The following KSR2 variants were observed in gnomAD, a reference collection of about 807,000 sequenced individuals.
KSR2 encodes kinase suppressor of ras 2.
In KSR2, 25 loss-of-function variants were observed where a neutral mutation model predicts 107.8. That is an observed-to-expected ratio of 0.23 (90% confidence interval 0.17 to 0.32). The LOEUF is 0.32. Ranked by LOEUF, KSR2 falls within the 10% of genes least tolerant of loss-of-function variation. The probability of loss-of-function intolerance (pLI) is 1.00; values close to 1 mark genes in which losing one functional copy is unlikely to be tolerated. For missense variants in KSR2, 887 were observed against 1,268.9 expected (o/e 0.70, Z 4.57); for synonymous variants, 480 against 507.0 (o/e 0.95, Z 0.71).
At chr12:117,535,911 A>C (rs1046342689) in intron 10 of KSR2, among the ~76,000 whole-genome samples, 1 of 151,534 alleles carries the variant, frequency 6.6e-6, no homozygotes, top group Admixed American at 6.6e-5. Flanking sequence ...CTGGGATCCA[A>C]CTCCAGGTCT....
rs1351596761 is a variant in KSR2, at chr12:117,667,636, A to G, written c.1009T>C (p.Leu337=). ...ACGCTGCTGTGGATCTTGAGGTTCA[A>G]GGGTTTGCTCTTCTTCTTGGCTCTG... ...TPKAKKKSKP[L]NLKIHSSVGS... is the part of the protein sequence containing the mutation. The change falls in exon 5 of 20, where the codon TTG becomes CTG. Residue 337 remains leucine, a synonymous_variant. Transcript: ENST00000339824. 6.3e-7 allele frequency: 1 copy of G among 1,598,984 alleles called. No homozygotes were observed. The highest frequency in any genetic ancestry group is 8.5e-7 in the Non-Finnish European group (1 of 1,173,460).
In KSR2 at chr12:117,799,744, T is replaced by C. The variant is rs934808659; in HGVS notation, c.473-38220A>G. Among the ~76,000 whole-genome samples the C allele has an allele frequency of 7.2e-5, 11 of 152,176 alleles. No individual in the cohort carries two copies. The East Asian group carries it at 2.1e-3, about 29-fold the overall frequency. ...TCTGAGCCTGTTTTCTAATCTATAA[T>C]AGTACCCACAACTAAGGGTGGTTGT... On this transcript the variant is annotated intron_variant, in intron 3 of 19. Coordinates refer to ENST00000339824, the MANE Select transcript of KSR2 (RefSeq NM_173598.6).
rs550563327 is a variant in KSR2, at chr12:117,469,701, C to T, written c.2807G>A (p.Arg936His). 19 of 1,613,384 alleles carry T rather than the reference C, an allele frequency of 1.2e-5. No homozygotes were observed. Among genetic ancestry groups the T allele is most frequent in the East Asian group, 2.2e-5 (1 of 44,878 alleles). ...DMLEKLPKRN[R>H]RLSHPGHFWK... is the part of the protein sequence containing the mutation. ...GAAATGTCCAGGGTGAGACAGGCGA[C>T]GGTTTCGCTTTGGCAGTTTCTCCAG... The change falls in exon 19 of 20, where the codon CGT becomes CAT. Residue 936 changes from arginine to histidine, a missense_variant. Around this residue, in one of 8 missense-constraint regions of KSR2, gnomAD observed 308 missense variants for 506.2 expected, o/e 0.61. Coordinates refer to ENST00000339824, the MANE Select transcript of KSR2 (RefSeq NM_173598.6).
intron 14 of KSR2, among the ~76,000 whole-genome samples, chr12:117,488,949 T>C (rs1296911183): frequency 6.6e-6 from 1 of 152,212 alleles, no homozygotes; most frequent in Non-Finnish European, 1.5e-5. Flanking sequence ...TAAAATATGA[T>C]ATATACTTAT....
At chr12:117,921,496 C>T (rs1895346911) in intron 1 of KSR2, among the ~76,000 whole-genome samples, 1 of 152,098 alleles carries the variant, frequency 6.6e-6, no homozygotes, top group African/African-American at 2.4e-5. Flanking sequence ...CTCACGGTAT[C>T]CTCTTGCCTC....
intron 3 of KSR2, among the ~76,000 whole-genome samples, chr12:117,792,800 T>C (rs924397430): frequency 1.3e-5 from 2 of 152,160 alleles, no homozygotes; most frequent in Non-Finnish European, 2.9e-5. Context: ...GCGTCATCCC[T>C]AAAAATAACT....
At position 117,910,996 on chromosome 12, in the gene KSR2, A is replaced by G. The variant is rs147776219; in HGVS notation, c.181-50565T>C. On this transcript the variant is annotated intron_variant, in intron 1 of 19. Transcript: ENST00000339824. ...CTCACTACTCTGCCTTTAAGATACC[A>G]TATGTTTCTAAACTTCCACACATAA... Among the ~76,000 whole-genome samples the G allele has an allele frequency of 2.8e-3, 428 of 152,292 alleles. 1 individual carries two copies. Among genetic ancestry groups the G allele is most frequent in the African/African-American group, 9.9e-3 (411 of 41,574 alleles).
chr12:117,906,463 G>A (rs1186728166), intron 1 of KSR2, among the ~76,000 whole-genome samples: 1 of 151,562 alleles, frequency 6.6e-6, no homozygotes, highest in Non-Finnish European at 1.5e-5. Flanking sequence ...AAAATTAGCT[G>A]GGCATGGTGG....
intron 1 of KSR2, among the ~76,000 whole-genome samples, chr12:117,912,283 G>A (rs989159633): frequency 1.3e-4 from 20 of 152,198 alleles, no homozygotes; most frequent in African/African-American, 4.1e-4. Context: ...CTGGTATTTA[G>A]CTACTTGGAT....
intron 8 of KSR2, among the ~76,000 whole-genome samples, chr12:117,555,634 A>G (rs902359487): frequency 2.6e-5 from 4 of 152,226 alleles, no homozygotes; most frequent in African/African-American, 9.6e-5. Context: ...TGAGCGGACA[A>G]GCTCATCATG....
intron 7 of KSR2, among the ~76,000 whole-genome samples, chr12:117,570,477 G>A (rs779504527): frequency 2.6e-5 from 4 of 152,194 alleles, no homozygotes; most frequent in Non-Finnish European, 5.9e-5. Flanking sequence ...CCTATAACAT[G>A]TCTTCCAAGA....
chr12:117,638,516 GA>G (rs34243226), intron 5 of KSR2, among the ~76,000 whole-genome samples: 5,656 of 142,540 alleles, frequency 0.04, 311 homozygotes, highest in African/African-American at 0.13. Context: ...AATATTCAGG[GA>G]AAAAAAAAAA....
At chr12:117,631,586 A>T (rs6490139) in intron 5 of KSR2, among the ~76,000 whole-genome samples, 1 of 152,112 alleles carries the variant, frequency 6.6e-6, no homozygotes, top group Admixed American at 6.5e-5. Flanking sequence ...TTTCTTCATC[A>T]ATATTCCAAT....
At chr12:117,525,967 C>A (rs1814304388) in intron 13 of KSR2, among the ~76,000 whole-genome samples, 1 of 152,204 alleles carries the variant, frequency 6.6e-6, no homozygotes, top group African/African-American at 2.4e-5. Context: ...AGTTGCTTTA[C>A]TTCCCTGAGG....
chr12:117,661,262 T>C (rs1008501114), intron 5 of KSR2, among the ~76,000 whole-genome samples: 2 of 114,672 alleles, frequency 1.7e-5, no homozygotes, highest in African/African-American at 2.5e-5. Context: ...TTCGATCCTG[T>C]ACCAGAAAAA....
At chr12:117,813,860 T>C (rs186083643) in intron 3 of KSR2, among the ~76,000 whole-genome samples, 8 of 152,278 alleles carry the variant, frequency 5.3e-5, no homozygotes, top group Admixed American at 3.3e-4. Flanking sequence ...ATAGCCAAGA[T>C]ATGGATTGAC....
At chr12:117,811,722 G>T (rs1234959700) in intron 3 of KSR2, among the ~76,000 whole-genome samples, 1 of 152,218 alleles carries the variant, frequency 6.6e-6, no homozygotes, top group Non-Finnish European at 1.5e-5. Context: ...GGAGCTTACT[G>T]AGGAGGTCAG....
At chr12:117,487,466 C>A (rs1872526471) in intron 14 of KSR2, among the ~76,000 whole-genome samples, 1 of 152,202 alleles carries the variant, frequency 6.6e-6, no homozygotes, top group Non-Finnish European at 1.5e-5. Context: ...GACCCTGCAT[C>A]CCCCAGGTTG....
At chr12:117,805,216 G>A (rs1232992853) in intron 3 of KSR2, among the ~76,000 whole-genome samples, 3 of 152,182 alleles carry the variant, frequency 2.0e-5, no homozygotes, top group Non-Finnish European at 2.9e-5. Flanking sequence ...CTTGTTAAAT[G>A]CTAATCTCCC....
Sources: allele counts gnomAD v4.1 joint callset (sites outside exome capture counted in the v4.1 genomes callset), GRCh38; gene constraint gnomAD v4.1.1; regional missense constraint gnomAD v4.1.1; transcripts MANE v1.5; gene names NCBI Gene and HGNC (gene_info 2026-07-23, HGNC 2026-07-21).